Variants in ZFYVE27 observed in about 807,000 individuals in gnomAD.
ZFYVE27 encodes the protein protrudin.
ZFYVE27 carries 36 observed loss-of-function variants against 52.8 expected under a neutral mutation model. The ratio of observed to expected loss-of-function variants is 0.68; its 90% CI spans 0.52 to 0.90. ZFYVE27 has a LOEUF of 0.90. ZFYVE27 is among the 40% of genes least tolerant of loss of function. The pLI is 0.00. For synonymous variants in ZFYVE27, 223 were observed against 215.6 expected (o/e 1.03, Z -0.30); for missense variants, 450 against 527.2 (o/e 0.85, Z 1.43).
At chr10:97,750,569 C>T in intron 7 of ZFYVE27, 99 bp downstream of exon 7, 1 of 1,530,250 alleles carries the variant, frequency 6.5e-7, no homozygotes. Flanking sequence ...GTTGTAGTTC[C>T]TGCTATTTCC....
chr10:97,741,746 A>G (rs186719892), intron 2 of ZFYVE27, among the ~76,000 whole-genome samples: 138 of 152,354 alleles, frequency 9.1e-4, no homozygotes, highest in African/African-American at 3.1e-3. Flanking sequence ...CATGTATCCC[A>G]GAACTTTAAG....
At chr10:97,746,536 T>C (rs2045478762) in intron 4 of ZFYVE27, among the ~76,000 whole-genome samples, 1 of 152,254 alleles carries the variant, frequency 6.6e-6, no homozygotes, top group African/African-American at 2.4e-5. Flanking sequence ...GTGTATTTCC[T>C]AAGAACAAGG....
intron 2 of ZFYVE27, 134 bp from the exon 3 acceptor site, chr10:97,742,960 C>G (rs1445326310): frequency 2.2e-6 from 2 of 929,546 alleles, no homozygotes; most frequent in Admixed American, 3.7e-5. Context: ...TGAGAGGCCC[C>G]CTTTTCGTTT....
At chr10:97,742,948 A>T in intron 2 of ZFYVE27, 146 bp from the exon 3 acceptor site, 1 of 848,762 alleles carries the variant, frequency 1.2e-6, no homozygotes. Context: ...CACCAGTCCA[A>T]GTGAGAGGCC....
intron 7 of ZFYVE27, among the ~76,000 whole-genome samples, chr10:97,750,834 G>A (rs1296607818): frequency 6.6e-6 from 1 of 151,312 alleles, no homozygotes; most frequent in East Asian, 1.9e-4. Flanking sequence ...TCCATCTCCT[G>A]GGCTCAGGCA....
intron 4 of ZFYVE27, among the ~76,000 whole-genome samples, chr10:97,746,880 A>G (rs1200859303): frequency 1.3e-5 from 2 of 151,774 alleles, no homozygotes; most frequent in Non-Finnish European, 2.9e-5. Flanking sequence ...TTGTAGAGAT[A>G]GGGTCTCATT....
intron 10 of ZFYVE27, among the ~76,000 whole-genome samples, chr10:97,756,057 A>C (rs904758678): frequency 6.6e-6 from 1 of 152,098 alleles, no homozygotes; most frequent in Non-Finnish European, 1.5e-5. Flanking sequence ...CTTGGCCCTG[A>C]CATTCCATTC....
chr10:97,753,269 G>A, intron 10 of ZFYVE27, 87 bp downstream of exon 10: 1 of 1,523,714 alleles, frequency 6.6e-7, no homozygotes, highest in Non-Finnish European at 8.8e-7. Flanking sequence ...CACAGGGGCA[G>A]AGTCTCAGAA....
At chr10:97,749,704 A>ACAC in intron 6 of ZFYVE27, 118 bp downstream of exon 6, 2 of 795,578 alleles carry the variant, frequency 2.5e-6, no homozygotes, top group South Asian at 2.8e-5. Flanking sequence ...CACAAGTGCA[A>ACAC]CACCACACTG....
intron 3 of ZFYVE27, among the ~76,000 whole-genome samples, chr10:97,743,780 G>A (rs573307912): frequency 6.6e-6 from 1 of 152,332 alleles, no homozygotes; most frequent in South Asian, 2.1e-4. Context: ...ACACATGGGT[G>A]TCTGTTGGGG....
chr10:97,759,255 G>T lies in ZFYVE27; in HGVS notation c.1191G>T (p.Glu397Asp). The T allele has an allele frequency of 6.2e-7, 1 of 1,614,192 alleles. No individual in the cohort carries two copies. Among genetic ancestry groups the T allele is most frequent in the East Asian group, 2.2e-5 (1 of 44,884 alleles). ...TTTCAGCCCCTGAAGCCCAGAGGGAGACTGTGTTTGTGTGTGCCTCGTGTA... is the reference window on the plus strand; with the variant it reads ...TTTCAGCCCCTGAAGCCCAGAGGGATACTGTGTTTGTGTGTGCCTCGTGTA... ...MGATAPEAQRETVFVCASCNQ... is the reference protein window; with the variant it reads ...MGATAPEAQRDTVFVCASCNQ... The change falls in exon 13 of 13, where the codon GAG (glutamate) becomes GAT (aspartate). Residue 397 changes from glutamate (E) to aspartate (D), a missense_variant. Physicochemically the swap from Glu to Asp is conservative, Grantham distance 45 (BLOSUM62 2). Coordinates refer to ENST00000684270, the MANE Select transcript of ZFYVE27 (RefSeq NM_001385875.1).
chr10:97,757,383 G>A (rs1416168773), intron 11 of ZFYVE27, 72 bp downstream of exon 11: 5 of 1,605,634 alleles, frequency 3.1e-6, no homozygotes, highest in Non-Finnish European at 4.3e-6. Context: ...GAGTTGAGGG[G>A]AGTCATTGAG....
At chr10:97,749,452 G>A in intron 5 of ZFYVE27, 22 bp from the exon 6 acceptor site, 1 of 1,593,874 alleles carries the variant, frequency 6.3e-7, no homozygotes, top group East Asian at 2.2e-5. Flanking sequence ...TTCTGATCTT[G>A]TGGTTCTTCC....
chr10:97,743,095 T>TGG lies in ZFYVE27; in HGVS notation c.200_201dup (p.Gln68GlyfsTer9). The TGG allele has an allele frequency of 6.2e-7, 1 of 1,614,234 alleles. No homozygotes were observed. Among genetic ancestry groups the TGG allele is most frequent in the Non-Finnish European group, 8.5e-7 (1 of 1,180,042 alleles). ...TGATCAGGACTCTCTGTATTGTAGG[T>TGG]GGCAGATGCCTTTGTGTTCCTTGCT... On this transcript the variant is annotated frameshift_variant and splice_region_variant, in exon 3 of 13. Coordinates refer to ENST00000684270, the MANE Select transcript of ZFYVE27 (RefSeq NM_001385875.1). LOFTEE classifies it high-confidence loss of function.
At chr10:97,755,307 G>C (rs540619530) in intron 10 of ZFYVE27, among the ~76,000 whole-genome samples, 2 of 152,350 alleles carry the variant, frequency 1.3e-5, no homozygotes, top group African/African-American at 4.8e-5. Flanking sequence ...TGAGAGCAGG[G>C]CGAGGGGAGC....
chr10:97,749,882 T>A (rs569131628), intron 6 of ZFYVE27, among the ~76,000 whole-genome samples: 1 of 152,304 alleles, frequency 6.6e-6, no homozygotes, highest in Admixed American at 6.5e-5. Context: ...GAAGGATGTT[T>A]TTCCCAAAGC....
At chr10:97,741,407 A>G (rs1027846889) in intron 2 of ZFYVE27, among the ~76,000 whole-genome samples, 5 of 152,238 alleles carry the variant, frequency 3.3e-5, no homozygotes, top group African/African-American at 1.2e-4. Context: ...CGTGGCACAT[A>G]TACACCATGG....
Position 97,748,475 on chromosome 10 carries a change from C to G in ZFYVE27, c.551+111C>G, listed in dbSNP as rs12264544. The G allele has an allele frequency of 3.0e-3, 3,160 of 1,052,658 alleles. 48 individuals are homozygous for G. The African/African-American group carries it at 0.035, about 12-fold the overall frequency. 65.2% of individuals were successfully genotyped at this position (1,052,658 alleles called of 1,614,324 possible). Reference sequence around the variant, plus strand: ...TGCCCCTCTTACCTCAGGGGAAGAGCTCGCCTCCTGGGCTCTTGTGTGTAT... The same window carrying G: ...TGCCCCTCTTACCTCAGGGGAAGAGGTCGCCTCCTGGGCTCTTGTGTGTAT... On this transcript the variant is annotated intron_variant, in intron 5 of 12. Coordinates refer to ENST00000684270, the MANE Select transcript of ZFYVE27 (RefSeq NM_001385875.1).
intron 3 of ZFYVE27, 28 bp downstream of exon 3, chr10:97,743,192 T>A: frequency 6.2e-7 from 1 of 1,613,608 alleles, no homozygotes; most frequent in Non-Finnish European, 8.5e-7. Context: ...GGGCCAGTGG[T>A]TTTTGTGAAC....
Sources: allele counts gnomAD v4.1 joint callset (sites outside exome capture counted in the v4.1 genomes callset), GRCh38; gene constraint gnomAD v4.1.1; transcripts MANE v1.5; gene names NCBI Gene and HGNC (gene_info 2026-07-23, HGNC 2026-07-21).